ZNF385D: variants seen among roughly 807,000 people sequenced by gnomAD.
ZNF385D encodes zinc finger protein 385D.
ZNF385D carries 15 observed loss-of-function variants against 35.8 expected under a neutral mutation model. That is an observed-to-expected ratio of 0.42 (90% CI 0.28 to 0.64). The LOEUF is 0.64. Ranked by LOEUF, ZNF385D falls within the 30% of genes least tolerant of loss-of-function variation. ZNF385D has a pLI of 0.23. For missense variants in ZNF385D, 474 were observed against 494.6 expected, an observed-to-expected ratio of 0.96 and a Z score of 0.39; for synonymous variants, 212 against 186.8, an observed-to-expected ratio of 1.13 and a Z score of -1.10.
At chr3:22,320,513 G>A (rs1339365500) in intron 2 of ZNF385D, among the ~76,000 whole-genome samples, 1 of 151,424 alleles carries the variant, frequency 6.6e-6, no homozygotes, top group Non-Finnish European at 1.5e-5. Flanking sequence ...ATATGATAGT[G>A]AGGAAATATT....
intron 3 of ZNF385D, among the ~76,000 whole-genome samples, chr3:21,880,409 C>G (rs1041780130): frequency 6.6e-6 from 1 of 151,932 alleles, no homozygotes; most frequent in African/African-American, 2.4e-5. Flanking sequence ...TTCACTGTAT[C>G]TGTCATGTTG....
chr3:22,301,539 A>G (rs556916287), intron 2 of ZNF385D, among the ~76,000 whole-genome samples: 6 of 152,064 alleles, frequency 3.9e-5, no homozygotes, highest in Non-Finnish European at 7.4e-5. Context: ...AATATATATA[A>G]TTTTGTCAAT....
chr3:21,964,172 T>C (rs1397195362), intron 3 of ZNF385D, among the ~76,000 whole-genome samples: 1 of 151,910 alleles, frequency 6.6e-6, no homozygotes, highest in African/African-American at 2.4e-5. Flanking sequence ...AAAATTTCAT[T>C]AGCCAGGATA....
intron 2 of ZNF385D, among the ~76,000 whole-genome samples, chr3:22,361,327 T>C (rs1696398081): frequency 6.6e-6 from 1 of 152,076 alleles, no homozygotes; most frequent in Non-Finnish European, 1.5e-5. Context: ...CAGAATGTAA[T>C]AAGTAGCATT....
chr3:22,308,875 C>T (rs1200958332), intron 2 of ZNF385D, among the ~76,000 whole-genome samples: 7 of 152,052 alleles, frequency 4.6e-5, no homozygotes, highest in Admixed American at 3.9e-4. Flanking sequence ...CAAACAAATA[C>T]AGCCAAAATC....
intron 3 of ZNF385D, among the ~76,000 whole-genome samples, chr3:22,037,824 G>C (rs935981401): frequency 1.3e-5 from 2 of 152,036 alleles, no homozygotes; most frequent in African/African-American, 4.8e-5. Flanking sequence ...TTTTCTTCTA[G>C]GGTTTTTATG....
intron 3 of ZNF385D, among the ~76,000 whole-genome samples, chr3:21,906,204 G>C (rs1660659762): frequency 6.6e-6 from 1 of 152,024 alleles, no homozygotes; most frequent in Non-Finnish European, 1.5e-5. Context: ...CTACTATTTT[G>C]TACTGTAATT....
intron 4 of ZNF385D, among the ~76,000 whole-genome samples, chr3:21,502,322 C>G (rs2125442413): frequency 6.6e-6 from 1 of 152,270 alleles, no homozygotes; most frequent in African/African-American, 2.4e-5. Context: ...ACATCATTTA[C>G]TCTCTCCTAA....
intron 3 of ZNF385D, among the ~76,000 whole-genome samples, chr3:22,032,220 C>G (rs1490152492): frequency 6.6e-6 from 1 of 152,216 alleles, no homozygotes; most frequent in African/African-American, 2.4e-5. Context: ...CTGTTTCAAC[C>G]TCTGCCAGTT....
chr3:22,160,115 T>C (rs1017385799), intron 3 of ZNF385D, among the ~76,000 whole-genome samples: 1 of 152,182 alleles, frequency 6.6e-6, no homozygotes, highest in South Asian at 2.1e-4. Flanking sequence ...TTTTCCACCA[T>C]GATTGTAAGC....
intron 2 of ZNF385D, among the ~76,000 whole-genome samples, chr3:22,204,448 G>C (rs1697012445): frequency 6.6e-6 from 1 of 151,970 alleles, no homozygotes; most frequent in South Asian, 2.1e-4. Context: ...TCAATGCCCA[G>C]AAAGCAATGA....
chr3:21,968,866 C>CA (rs1190096122), intron 3 of ZNF385D, among the ~76,000 whole-genome samples: 1 of 152,170 alleles, frequency 6.6e-6, no homozygotes, highest in African/African-American at 2.4e-5. Context: ...GACTTTGCCT[C>CA]ACAGCTTGGA....
chr3:22,079,570 A>T (rs1700639422), intron 3 of ZNF385D, among the ~76,000 whole-genome samples: 1 of 151,980 alleles, frequency 6.6e-6, no homozygotes. Context: ...ACCATTTCGC[A>T]AAGCAGGTCA....
At position 21,560,019 on chromosome 3, in the gene ZNF385D, G is replaced by A. The variant is rs189356046; in HGVS notation, c.276+4555C>T. Among the ~76,000 whole-genome samples, 13 of 152,010 alleles carry A rather than the reference G, an allele frequency of 8.6e-5. No homozygotes were observed. In the East Asian group the frequency reaches 1.4e-3, roughly 16 times the overall value. ...TTTTCAGCTCCATCACGTCGTTTATGTTCTTCTCTAAACTGGTTATTCTAG... is the reference window on the plus strand; with the variant it reads ...TTTTCAGCTCCATCACGTCGTTTATATTCTTCTCTAAACTGGTTATTCTAG... On this transcript the variant is annotated intron_variant, in intron 3 of 7. Transcript: ENST00000281523.
At chr3:21,619,086 G>T (rs2064928837) in intron 2 of ZNF385D, among the ~76,000 whole-genome samples, 1 of 152,056 alleles carries the variant, frequency 6.6e-6, no homozygotes, top group Non-Finnish European at 1.5e-5. Context: ...ATGTCCTACA[G>T]CAAACCATGT....
At chr3:21,909,517 T>A (rs978074375) in intron 3 of ZNF385D, among the ~76,000 whole-genome samples, 1 of 152,038 alleles carries the variant, frequency 6.6e-6, no homozygotes. Flanking sequence ...TCTTTAAATA[T>A]AGCTAAATAT....
intron 3 of ZNF385D, among the ~76,000 whole-genome samples, chr3:22,144,594 A>G (rs993949218): frequency 6.0e-5 from 9 of 151,106 alleles, no homozygotes; most frequent in Non-Finnish European, 1.0e-4. Context: ...AAAAAAAAAA[A>G]AAAAAAGAAC....
intron 3 of ZNF385D, among the ~76,000 whole-genome samples, chr3:21,857,231 T>A (rs11920298): frequency 0.033 from 5,028 of 152,196 alleles, 292 homozygotes; most frequent in African/African-American, 0.11. Context: ...TAGTTATTTT[T>A]TCTATATTTT....
At chr3:21,913,496 T>C (rs1048805196) in intron 3 of ZNF385D, among the ~76,000 whole-genome samples, 4 of 152,138 alleles carry the variant, frequency 2.6e-5, no homozygotes, top group Admixed American at 6.6e-5. Context: ...GGTATTATGC[T>C]CATCCTTACA....
Sources: allele counts gnomAD v4.1 joint callset (sites outside exome capture counted in the v4.1 genomes callset), GRCh38; gene constraint gnomAD v4.1.1; transcripts MANE v1.5; gene names NCBI Gene and HGNC (gene_info 2026-07-23, HGNC 2026-07-21).